Variants in CGNL1 observed in about 807,000 individuals in gnomAD.
CGNL1 encodes cingulin-like protein 1.
CGNL1 carries 132 observed loss-of-function variants against 141.2 expected under a neutral mutation model. The observed-to-expected ratio is 0.93, with a 90% CI of 0.81 to 1.08. CGNL1 has a LOEUF of 1.08. CGNL1 is among the 50% of genes least tolerant of loss of function. CGNL1 has a pLI of 0.00. For missense variants in CGNL1, 1,870 were observed against 1,588.6 expected (o/e 1.18, Z -3.01); for synonymous variants, 690 against 622.1 (o/e 1.11, Z -1.63).
At chr15:57,425,122 C>G (rs567963686) in intron 1 of CGNL1, among the ~76,000 whole-genome samples, 3 of 152,062 alleles carry the variant, frequency 2.0e-5, no homozygotes, top group Admixed American at 6.5e-5. Context: ...AGGAACTAAG[C>G]AAGATTGAAG....
At chr15:57,391,254 G>C (rs185656106) in intron 1 of CGNL1, among the ~76,000 whole-genome samples, 1 of 152,220 alleles carries the variant, frequency 6.6e-6, no homozygotes, top group African/African-American at 2.4e-5. Context: ...TGATGACAGA[G>C]TCTGCTTTGG....
At chr15:57,453,555 G>A in intron 6 of CGNL1, 128 bp from the exon 7 acceptor site, 1 of 1,236,034 alleles carries the variant, frequency 8.1e-7, no homozygotes, top group South Asian at 1.5e-5. Context: ...GCTCAGTGCA[G>A]AACAGAGAAT....
chr15:57,442,411 A>T lies in CGNL1; in HGVS notation c.1736A>T (p.Asn579Ile). ...DNDDATKRKV[N>I]LVFEKIQTLK... ...GACGATGCTACTAAAAGGAAAGTCA[A>T]CTTGGTCTTTGAGAAAATCCAGACC... is the stretch of plus-strand genomic sequence containing the variant. Residue 579 changes from asparagine to isoleucine, a missense_variant, in exon 4 of 19, where the codon AAC (asparagine) becomes ATC (isoleucine). Transcript: ENST00000281282. The T allele has an allele frequency of 6.2e-7, 1 of 1,613,768 alleles. No individual in the cohort carries two copies. The highest frequency in any genetic ancestry group is 8.5e-7 in the Non-Finnish European group (1 of 1,179,748).
intron 8 of CGNL1, among the ~76,000 whole-genome samples, chr15:57,471,326 G>T (rs2063578589): frequency 6.6e-6 from 1 of 152,226 alleles, no homozygotes; most frequent in Non-Finnish European, 1.5e-5. Flanking sequence ...AGTGCAGGAA[G>T]AACTGATGGA....
At chr15:57,510,174 C>T (rs55782827) in intron 8 of CGNL1, among the ~76,000 whole-genome samples, 4,754 of 152,252 alleles carry the variant, frequency 0.031, 256 homozygotes, top group African/African-American at 0.11. Flanking sequence ...AAGTCCTTCC[C>T]TTTTGGGAAG....
At chr15:57,455,459 A>G (rs1222876318) in intron 7 of CGNL1, among the ~76,000 whole-genome samples, 1 of 152,162 alleles carries the variant, frequency 6.6e-6, no homozygotes, top group Non-Finnish European at 1.5e-5. Flanking sequence ...GCAGTAACTG[A>G]CAGCTGTCAC....
At chr15:57,538,596 G>A (rs1047298939) in intron 14 of CGNL1, among the ~76,000 whole-genome samples, 3 of 152,204 alleles carry the variant, frequency 2.0e-5, no homozygotes, top group Non-Finnish European at 4.4e-5. Context: ...AGGGAAGTCT[G>A]TTTCCTGGTG....
At chr15:57,435,547 G>A (rs2063096733) in intron 1 of CGNL1, among the ~76,000 whole-genome samples, 1 of 151,728 alleles carries the variant, frequency 6.6e-6, no homozygotes, top group Non-Finnish European at 1.5e-5. Context: ...GAAAATGAAA[G>A]TTGACAATGA....
chr15:57,449,177 T>C (rs2063292334), intron 4 of CGNL1, among the ~76,000 whole-genome samples: 1 of 152,200 alleles, frequency 6.6e-6, no homozygotes, highest in African/African-American at 2.4e-5. Context: ...AGGTCTTCTC[T>C]GCAGTCCTCT....
chr15:57,383,292 C>CTTTTTTTTTTTTTTTTTTTTTTTTTTT (rs59213732), intron 1 of CGNL1, among the ~76,000 whole-genome samples: 2 of 109,616 alleles, frequency 1.8e-5, no homozygotes, highest in African/African-American at 7.3e-5. Context: ...TTCTTTCTTC[C>CTTTTTTTTTTTTTTTTTTTTTTTTTTT]TTTTTTTTTT....
rs2063150944 is a variant in CGNL1 at position 57,439,234 on chromosome 15, G to A, written c.1235G>A (p.Gly412Asp). 6.2e-7 allele frequency: 1 copy of A among 1,614,144 alleles called. No individual in the cohort carries two copies. The highest frequency in any genetic ancestry group is 1.1e-5 in the South Asian group (1 of 91,082). Reference protein sequence around the residue: ...EYLIEFSRNLGKSSEHLLRPS... With the variant: ...EYLIEFSRNLDKSSEHLLRPS... ...CTGATTGAATTCAGTAGGAACTTGG[G>A]CAAGTCAAGCGAACACCTCCTCCGG... is the stretch of plus-strand genomic sequence containing the variant. Residue 412 changes from glycine to aspartate, a missense_variant, in exon 2 of 19, where the codon GGC becomes GAC. Coordinates refer to ENST00000281282, the MANE Select transcript of CGNL1 (RefSeq NM_032866.5).
chr15:57,528,781 A>G lies in CGNL1; in HGVS notation c.3167A>G (p.Lys1056Arg), dbSNP rs536935048. The G allele has an allele frequency of 1.1e-5, 18 of 1,614,112 alleles. No homozygotes were observed. In the East Asian group the frequency reaches 2.5e-4, roughly 22 times the overall value. ...EYELEAKSHL[K>R]DDRSRLVKQM... The stretch of plus-strand genomic sequence containing the variant: ...GAGCTGGAAGCCAAGAGTCACCTCA[A>G]AGATGACCGCAGCAGGCTGGTCAAG... The change falls in exon 13 of 19, where the codon AAA becomes AGA. Residue 1056 changes from lysine to arginine, a missense_variant. Transcript: ENST00000281282.
chr15:57,439,701 C>T, intron 2 of CGNL1, 100 bp downstream of exon 2: 2 of 1,159,498 alleles, frequency 1.7e-6, no homozygotes, highest in South Asian at 1.5e-5. Context: ...TACACATCCT[C>T]AATCTTGTAT....
rs374931083 is a variant in CGNL1, at chr15:57,524,721, C to T, written c.3009C>T (p.Ser1003=). Residue 1003 remains serine, a synonymous_variant, in exon 12 of 19, where the codon TCC becomes TCT. Transcript: ENST00000281282. The stretch of plus-strand genomic sequence containing the variant: ...AGAAAACGCTGGAGGCAGAAAAGTC[C>T]CGACTGACAGCCATGAAAATGCAGG... ...LKEKTLEAEK[S]RLTAMKMQDE... 50 of 1,613,982 alleles carry T rather than the reference C, an allele frequency of 3.1e-5. No individual in the cohort carries two copies. The African/African-American group carries it at 6.3e-4, about 20-fold the overall frequency.
At chr15:57,522,937 T>A (rs2031364174) in intron 10 of CGNL1, among the ~76,000 whole-genome samples, 1 of 152,220 alleles carries the variant, frequency 6.6e-6, no homozygotes, top group African/African-American at 2.4e-5. Flanking sequence ...TTTGCCTGTG[T>A]CTGAGTCCAA....
chr15:57,468,503 G>C (rs542873369), intron 8 of CGNL1, among the ~76,000 whole-genome samples: 1 of 151,978 alleles, frequency 6.6e-6, no homozygotes, highest in East Asian at 1.9e-4. Flanking sequence ...AAATGTTGGG[G>C]TTATAGGTGT....
chr15:57,464,073 C>CTTTTT (rs34545500), intron 8 of CGNL1, among the ~76,000 whole-genome samples: 2 of 149,026 alleles, frequency 1.3e-5, no homozygotes, highest in African/African-American at 5.0e-5. Context: ...CACTTTTGTC[C>CTTTTT]TTTTTTTTTT....
At position 57,547,414 on chromosome 15, in the gene CGNL1, C is replaced by T. The variant is rs758859838; in HGVS notation, c.3833C>T (p.Thr1278Met). The T allele has an allele frequency of 5.6e-6, 9 of 1,614,058 alleles. No homozygotes were observed. The highest frequency in any genetic ancestry group is 1.3e-5 in the African/African-American group (1 of 74,936). Reference protein sequence around the residue: ...DDMDDDDDLSTDGGSLYEAPV... With the variant: ...DDMDDDDDLSMDGGSLYEAPV... ...ATGGATGACGACGATGACCTCAGCA[C>T]GGATGGGGGAAGCCTCTATGAGGCG... Residue 1278 changes from threonine to methionine, a missense_variant, in exon 19 of 19, where the codon ACG becomes ATG. Coordinates refer to ENST00000281282, the MANE Select transcript of CGNL1 (RefSeq NM_032866.5).
intron 1 of CGNL1, among the ~76,000 whole-genome samples, chr15:57,382,507 GT>G (rs1461605032): frequency 6.6e-6 from 1 of 152,168 alleles, no homozygotes; most frequent in Non-Finnish European, 1.5e-5. Flanking sequence ...GTACGTAATC[GT>G]TCAGGTGATT....
Sources: allele counts gnomAD v4.1 joint callset (sites outside exome capture counted in the v4.1 genomes callset), GRCh38; gene constraint gnomAD v4.1.1; transcripts MANE v1.5; gene names NCBI Gene and HGNC (gene_info 2026-07-23, HGNC 2026-07-21).